Variants in TECR observed in about 807,000 individuals in gnomAD.
TECR encodes the protein trans-2,3-enoyl-CoA reductase.
TECR carries 19 observed loss-of-function variants against 50.6 expected under a neutral mutation model. The ratio of observed to expected loss-of-function variants is 0.38; its 90% CI spans 0.26 to 0.55. The LOEUF (loss-of-function observed/expected upper bound fraction) is 0.55, where lower values mean the gene tolerates loss of function less well. Among genes scored for constraint, TECR ranks in the 20% least tolerant of loss-of-function variants. The pLI is 0.79. For synonymous variants in TECR, 168 were observed against 163.5 expected, an observed-to-expected ratio of 1.03 and a Z score of -0.21; for missense variants, 313 against 408.3, an observed-to-expected ratio of 0.77 and a Z score of 2.01.
chr19:14,563,721 T>C lies in TECR; in HGVS notation c.163+19T>C. 1 of 1,613,064 alleles carries C rather than the reference T, an allele frequency of 6.2e-7. No homozygotes were observed. Among genetic ancestry groups the C allele is most frequent in the Non-Finnish European group, 8.5e-7 (1 of 1,179,886 alleles). On this transcript the variant is annotated intron_variant, in intron 4 of 12. Coordinates refer to ENST00000215567, the MANE Select transcript of TECR (RefSeq NM_138501.6). The surrounding 1 kb of genome is among the most constrained non-coding windows in gnomAD (Gnocchi z 5.3). The stretch of plus-strand genomic sequence containing the variant: ...GACCCCAGTGAGTACAGCTGTCCAC[T>C]CGGCCCGCCCCCTGGGCTCCTGGGT...
chr19:14,543,639 C>T (rs546494689), intron 1 of TECR, among the ~76,000 whole-genome samples: 169 of 149,654 alleles, frequency 1.1e-3, no homozygotes, highest in Non-Finnish European at 1.8e-3. Flanking sequence ...GGGGTTTCAC[C>T]GTGTTAGCCA....
At chr19:14,536,649 C>G (rs1210647644) in intron 1 of TECR, 1 of 152,116 alleles carries the variant, frequency 6.6e-6, no homozygotes, top group Non-Finnish European at 1.5e-5. Context: ...GTGCATCTTC[C>G]CAACTCTGTG....
chr19:14,538,889 G>A (rs1297490582), intron 1 of TECR, among the ~76,000 whole-genome samples: 1 of 151,868 alleles, frequency 6.6e-6, no homozygotes, highest in Admixed American at 6.6e-5. Flanking sequence ...ACAGACTGAT[G>A]TCAAATCATA....
chr19:14,560,179 C>T (rs914496266), intron 1 of TECR, among the ~76,000 whole-genome samples: 39 of 152,216 alleles, frequency 2.6e-4, no homozygotes, highest in African/African-American at 8.9e-4. Context: ...CCCCGATGGC[C>T]GTACTCTCCC....
At position 14,563,965 on chromosome 19, in the gene TECR, C is replaced by A; in HGVS notation, c.268-17C>A. 1 of 1,613,890 alleles carries A rather than the reference C, an allele frequency of 6.2e-7. No homozygotes were observed. The highest frequency in any genetic ancestry group is 8.5e-7 in the Non-Finnish European group (1 of 1,179,798). ...CAGCCACGTTGGGTGACTCATCTTG[C>A]CCCCCTCTACTCTCAGGTCTTCCTA... On this transcript the variant is annotated splice_polypyrimidine_tract_variant and intron_variant, in intron 5 of 12. Transcript: ENST00000215567. The surrounding 1 kb of genome is among the most constrained non-coding windows in gnomAD (Gnocchi z 5.3).
Position 14,555,079 on chromosome 19 carries a change from G to GT in TECR, c.16-7433dup, listed in dbSNP as rs550695448. Among the ~76,000 whole-genome samples, 358 of 142,286 alleles carry GT rather than the reference G, an allele frequency of 2.5e-3. 1 individual carries two copies. The highest frequency in any genetic ancestry group is 3.6e-3 in the Middle Eastern group (1 of 276). The allele number at this position is 142,286 out of a possible 152,430, so 93.3% of individuals were successfully genotyped here. On this transcript the variant is annotated intron_variant, in intron 1 of 12. Coordinates refer to ENST00000215567, the MANE Select transcript of TECR (RefSeq NM_138501.6). ...GGCGTGAGCCACTGCGCCTGGCCTT[G>GT]TTTTTTTTTTTTTGAGACAGGGTCT...
chr19:14,561,884 C>G (rs1003676268), intron 1 of TECR: 1 of 159,096 alleles, frequency 6.3e-6, no homozygotes, highest in Non-Finnish European at 1.4e-5. Context: ...TGGGATTTCT[C>G]CAAGCCCAGT....
At chr19:14,550,354 G>A (rs971088417) in intron 1 of TECR, among the ~76,000 whole-genome samples, 3 of 152,152 alleles carry the variant, frequency 2.0e-5, no homozygotes, top group East Asian at 3.8e-4. Flanking sequence ...AGGCTCTTTG[G>A]CAAGCTGAGC....
upstream of TECR, chr19:14,529,566 T>C (rs114121047): frequency 4.0e-3 from 5,755 of 1,426,590 alleles, 127 homozygotes; most frequent in African/African-American, 0.052. Context: ...GCGCGCGGCC[T>C]GGAGGGGCGG....
At chr19:14,558,493 T>G (rs776695858) in intron 1 of TECR, among the ~76,000 whole-genome samples, 6 of 152,166 alleles carry the variant, frequency 3.9e-5, no homozygotes, top group Middle Eastern at 3.2e-3. Context: ...GAGTTGCTGT[T>G]GGCTGGGCCC....
At chr19:14,562,699 C>T in intron 2 of TECR, 124 bp downstream of exon 2, 1 of 1,120,638 alleles carries the variant, frequency 8.9e-7, no homozygotes, top group Non-Finnish European at 1.4e-6. Flanking sequence ...GAGGGGTATG[C>T]CCTCACTTGG....
chr19:14,545,301 A>C (rs1188600373), intron 1 of TECR: 1 of 426,114 alleles, frequency 2.3e-6, no homozygotes, highest in Non-Finnish European at 4.7e-6. Flanking sequence ...GTGCTACCCC[A>C]GGGCCTTTGC....
chr19:14,564,659 CAG>C, intron 7 of TECR, 125 bp from the exon 8 acceptor site: 2 of 1,024,754 alleles, frequency 2.0e-6, no homozygotes, highest in Non-Finnish European at 1.5e-6. Context: ...CTATCCTCCC[CAG>C]CCCCGCCCCA....
chr19:14,565,221 C>T lies in TECR; in HGVS notation c.684C>T (p.Ile228=), dbSNP rs755999605. 6 of 1,613,912 alleles carry T rather than the reference C, an allele frequency of 3.7e-6. No homozygotes were observed. The African/African-American group carries it at 5.3e-5, about 14-fold the overall frequency. Reference sequence around the variant, plus strand: ...TGCCAGGGTCCAAGACGCGGAAGATCCCATACCCCACCAAGAACCCCTTCA... The same window carrying T: ...TGCCAGGGTCCAAGACGCGGAAGATTCCATACCCCACCAAGAACCCCTTCA... ...LRPAGSKTRK[I]PYPTKNPFTW... is the part of the protein sequence containing the mutation. The change falls in exon 11 of 13, where the codon ATC becomes ATT. Residue 228 remains isoleucine (I), a synonymous_variant. Transcript: ENST00000215567.
At chr19:14,559,153 A>G (rs760216504) in intron 1 of TECR, among the ~76,000 whole-genome samples, 1 of 151,910 alleles carries the variant, frequency 6.6e-6, no homozygotes, top group Non-Finnish European at 1.5e-5. Context: ...CCTGTTTGTT[A>G]CCCCTCACCC....
chr19:14,549,016 A>AT (rs111721704), intron 1 of TECR, among the ~76,000 whole-genome samples: 29 of 150,760 alleles, frequency 1.9e-4, no homozygotes, highest in Admixed American at 7.3e-4. Flanking sequence ...GGTTTCTTTG[A>AT]TTTTTTTTTT....
chr19:14,559,303 AAGGAGACCGGGTACCC>A (rs1354500665), intron 1 of TECR, among the ~76,000 whole-genome samples: 2 of 151,904 alleles, frequency 1.3e-5, no homozygotes, highest in Non-Finnish European at 2.9e-5. Context: ...CTCACTCTGA[AAGGAGACCGGGTACCC>A]AGCAGCAGCC....
At chr19:14,546,714 T>A (rs1198659197) in intron 1 of TECR, among the ~76,000 whole-genome samples, 1 of 152,230 alleles carries the variant, frequency 6.6e-6, no homozygotes, top group Non-Finnish European at 1.5e-5. Flanking sequence ...AGACGGAGTC[T>A]TGCTCTGTTG....
At chr19:14,544,778 G>A (rs2073244718) in intron 1 of TECR, among the ~76,000 whole-genome samples, 1 of 151,956 alleles carries the variant, frequency 6.6e-6, no homozygotes, top group Admixed American at 6.6e-5. Flanking sequence ...GACCACAGGT[G>A]CATGCCATCA....
Sources: allele counts gnomAD v4.1 joint callset (sites outside exome capture counted in the v4.1 genomes callset), GRCh38; gene constraint gnomAD v4.1.1; non-coding constraint Gnocchi (gnomAD v3.1); transcripts MANE v1.5; gene names NCBI Gene and HGNC (gene_info 2026-07-23, HGNC 2026-07-21).